The following CHIC2 variants were observed in gnomAD, a reference collection of about 807,000 sequenced individuals.
CHIC2 encodes the protein cysteine-rich hydrophobic domain-containing protein 2.
Under a neutral mutation model 25.9 loss-of-function variants are expected in CHIC2, and 14 were observed. The ratio of observed to expected loss-of-function variants is 0.54; its 90% CI spans 0.36 to 0.85. The LOEUF is 0.85. Among genes scored for constraint, CHIC2 ranks in the 40% least tolerant of loss-of-function variants. The pLI, the probability that CHIC2 is intolerant of heterozygous loss-of-function variation, is 0.01. For missense variants in CHIC2, 146 were observed against 202.0 expected (o/e 0.72, Z 1.68); for synonymous variants, 70 against 72.0 (o/e 0.97, Z 0.14).
At chr4:54,020,650 C>T (rs375387656) in intron 3 of CHIC2, among the ~76,000 whole-genome samples, 2 of 152,154 alleles carry the variant, frequency 1.3e-5, no homozygotes, top group African/African-American at 2.4e-5. Flanking sequence ...AATTTCAAAT[C>T]GGGTAAGCGG....
chr4:54,011,921 A>C (rs966630609), intron 5 of CHIC2, among the ~76,000 whole-genome samples: 3 of 152,152 alleles, frequency 2.0e-5, no homozygotes. Flanking sequence ...TAAGTTAAAG[A>C]AAAGTTGAAG....
At chr4:54,091,485 C>T in the CHIC2 span, among the ~76,000 whole-genome samples, 9 of 152,170 alleles carry the variant, frequency 5.9e-5, no homozygotes, top group East Asian at 1.4e-3. Context: ...TCCTCACATT[C>T]ACACATTCAT....
chr4:54,061,783 C>G (rs1331825237), intron 1 of CHIC2, among the ~76,000 whole-genome samples: 1 of 151,866 alleles, frequency 6.6e-6, no homozygotes, highest in Non-Finnish European at 1.5e-5. Flanking sequence ...CGCCACAAAA[C>G]AGGTTAAGTT....
chr4:54,075,264 A>G, the CHIC2 span, among the ~76,000 whole-genome samples: 1 of 152,236 alleles, frequency 6.6e-6, no homozygotes, highest in Non-Finnish European at 1.5e-5. Context: ...TCTGCACTTG[A>G]TATATTTAAA....
chr4:54,043,827 C>CT (rs1445770354), intron 3 of CHIC2, among the ~76,000 whole-genome samples: 1 of 152,108 alleles, frequency 6.6e-6, no homozygotes, highest in East Asian at 1.9e-4. Context: ...TGTAAATGGG[C>CT]TAAATGCTCC....
At position 54,032,536 on chromosome 4, in the gene CHIC2, G is replaced by A. The variant is rs949252059; in HGVS notation, c.330+16419C>T. On this transcript the variant is annotated intron_variant, in intron 3 of 5. Coordinates refer to ENST00000263921, the MANE Select transcript of CHIC2 (RefSeq NM_012110.4). ...GCCAGCCTCGGCCTCCCGAGGTGCCGGGATTGCAGACGGAGTCTTGTTCAA... is the reference window on the plus strand; with the variant it reads ...GCCAGCCTCGGCCTCCCGAGGTGCCAGGATTGCAGACGGAGTCTTGTTCAA... Among the ~76,000 whole-genome samples the A allele has an allele frequency of 5.3e-5, 8 of 152,294 alleles. No homozygotes were observed. In the South Asian group the frequency reaches 1.0e-3, roughly 20 times the overall value.
intron 3 of CHIC2, among the ~76,000 whole-genome samples, chr4:54,035,730 T>A (rs1716364268): frequency 6.6e-6 from 1 of 152,162 alleles, no homozygotes; most frequent in Non-Finnish European, 1.5e-5. Context: ...GACCATTATT[T>A]TTTTCCCCCT....
At chr4:54,065,246 T>C (rs550599100), upstream of CHIC2, 22 of 901,582 alleles carry the variant, frequency 2.4e-5, no homozygotes, top group Middle Eastern at 2.2e-3. Context: ...GTATTTTTTT[T>C]TTTTTCTTAC....
chr4:54,068,761 C>T (rs1185775030), upstream of CHIC2, among the ~76,000 whole-genome samples: 3 of 152,200 alleles, frequency 2.0e-5, no homozygotes, highest in African/African-American at 7.2e-5. Flanking sequence ...TCAATTCCAG[C>T]ACTCTCTACC....
At chr4:54,070,043 A>G in the CHIC2 span, among the ~76,000 whole-genome samples, 3 of 152,270 alleles carry the variant, frequency 2.0e-5, no homozygotes, top group Non-Finnish European at 4.4e-5. Flanking sequence ...AACTCACTCC[A>G]AGAAATCAGG....
At chr4:54,071,169 C>T in the CHIC2 span, among the ~76,000 whole-genome samples, 3 of 152,290 alleles carry the variant, frequency 2.0e-5, no homozygotes, top group East Asian at 5.8e-4. Context: ...ACCAATTATG[C>T]TTGGAGAAAA....
intron 3 of CHIC2, among the ~76,000 whole-genome samples, chr4:54,041,654 G>A (rs1319675867): frequency 6.6e-6 from 1 of 151,894 alleles, no homozygotes; most frequent in Non-Finnish European, 1.5e-5. Flanking sequence ...CTAGTATTTT[G>A]ATAACTATAT....
chr4:54,083,097 C>T, the CHIC2 span, among the ~76,000 whole-genome samples: 1 of 133,400 alleles, frequency 7.5e-6, no homozygotes, highest in Non-Finnish European at 1.5e-5. Flanking sequence ...CTCACTGCAA[C>T]CTCTGCCTCC....
intron 3 of CHIC2, among the ~76,000 whole-genome samples, chr4:54,019,376 G>A (rs1167204461): frequency 6.6e-6 from 1 of 152,022 alleles, no homozygotes; most frequent in Non-Finnish European, 1.5e-5. Flanking sequence ...AACACCCACT[G>A]AAGTATCATG....
chr4:54,073,352 AAT>A, the CHIC2 span, among the ~76,000 whole-genome samples: 1 of 152,200 alleles, frequency 6.6e-6, no homozygotes, highest in African/African-American at 2.4e-5. Flanking sequence ...TCCCACACTG[AAT>A]AGAGGTGACC....
At chr4:54,073,433 C>T in the CHIC2 span, among the ~76,000 whole-genome samples, 3 of 152,210 alleles carry the variant, frequency 2.0e-5, no homozygotes, top group Non-Finnish European at 2.9e-5. Context: ...AAAGACATGA[C>T]ACATTTTATC....
rs528726591 is a variant in CHIC2, at chr4:54,047,743, T to C, written c.330+1212A>G. Among the ~76,000 whole-genome samples the C allele has an allele frequency of 3.0e-4, 46 of 152,048 alleles. 1 individual carries two copies. The South Asian group carries it at 9.3e-3, about 31-fold the overall frequency. On this transcript the variant is annotated intron_variant, in intron 3 of 5. Coordinates refer to ENST00000263921, the MANE Select transcript of CHIC2 (RefSeq NM_012110.4). ...GCAGCACACCAACATGGCACATGTA[T>C]ACATATGTAACTAACCTGCACGTTG...
intron 1 of CHIC2, among the ~76,000 whole-genome samples, chr4:54,057,801 T>C (rs963812813): frequency 6.6e-6 from 1 of 152,144 alleles, no homozygotes. Flanking sequence ...AAAATAAATA[T>C]TGTAAAACCC....
At chr4:54,063,741 G>A (rs555280317) in intron 1 of CHIC2, among the ~76,000 whole-genome samples, 1 of 152,374 alleles carries the variant, frequency 6.6e-6, no homozygotes, top group Admixed American at 6.5e-5. Context: ...ACGAAACGGA[G>A]CTTCGCTGCC....
Sources: gnomAD v4.1 joint callset for allele counts (sites outside exome capture counted in the v4.1 genomes callset) on GRCh38, gnomAD v4.1.1 for gene constraint, MANE v1.5 for transcripts, NCBI Gene and HGNC (gene_info 2026-07-23, HGNC 2026-07-21) for gene names.